The following INTS4 variants were observed in gnomAD, a reference collection of about 807,000 sequenced individuals.
INTS4 encodes integrator complex subunit 4.
In INTS4, 70 loss-of-function variants were observed where a neutral mutation model predicts 119.5. The ratio of observed to expected loss-of-function variants is 0.59; its 90% CI spans 0.48 to 0.71. INTS4 has a LOEUF of 0.71. INTS4 is among the 30% of genes least tolerant of loss of function. The probability of loss-of-function intolerance (pLI) is 0.00; values close to 1 mark genes in which losing one functional copy is unlikely to be tolerated. For missense variants in INTS4, 867 were observed against 1,173.2 expected (o/e 0.74, Z 3.81); for synonymous variants, 316 against 419.6 (o/e 0.75, Z 3.02).
intron 10 of INTS4, among the ~76,000 whole-genome samples, chr11:77,935,131 C>CT (rs1953756666): frequency 6.6e-6 from 1 of 152,112 alleles, no homozygotes; most frequent in African/African-American, 2.4e-5. Context: ...ATCACAGGGG[C>CT]TTTATAGGAT....
chr11:77,891,356 T>A lies in INTS4; in HGVS notation c.2555A>T (p.Glu852Val). 6.2e-7 allele frequency: 1 copy of A among 1,610,968 alleles called. No homozygotes were observed. Among genetic ancestry groups the A allele is most frequent in the South Asian group, 1.1e-5 (1 of 90,406 alleles). The change falls in exon 21 of 23, where the codon GAG (glutamate) becomes GTG (valine). Residue 852 changes from glutamate to valine, a missense_variant. Physicochemically the swap from Glu to Val is moderately radical, Grantham distance 121 (BLOSUM62 -2). Transcript: ENST00000534064. ...AGTGTTCTGAGGATCCTGCACATGC[T>A]CCAGGGTTGCATCAACATCCAGGGC... ...VVALDVDATL[E>V]HVQDPQNTVK...
chr11:77,993,223 G>A (rs1456433960), intron 1 of INTS4, among the ~76,000 whole-genome samples: 3 of 152,178 alleles, frequency 2.0e-5, no homozygotes, highest in Non-Finnish European at 4.4e-5. Context: ...GGGAAGATAG[G>A]TACACCGGTA....
At chr11:77,955,298 T>C (rs1221155606) in intron 8 of INTS4, among the ~76,000 whole-genome samples, 2 of 152,238 alleles carry the variant, frequency 1.3e-5, no homozygotes, top group South Asian at 4.1e-4. Flanking sequence ...GACTGCACTA[T>C]TGCACTCCTG....
intron 5 of INTS4, 31 bp from the exon 6 acceptor site, chr11:77,960,422 G>T: frequency 1.4e-6 from 2 of 1,465,008 alleles, no homozygotes; most frequent in Non-Finnish European, 1.9e-6. Context: ...TTAAGTGCTT[G>T]GGAGGAAAAG....
At chr11:77,876,546 A>G (rs1173422141), downstream of INTS4, among the ~76,000 whole-genome samples, 1 of 152,184 alleles carries the variant, frequency 6.6e-6, no homozygotes, top group Non-Finnish European at 1.5e-5. Flanking sequence ...TGAATTGCTT[A>G]GCAACAAATT....
chr11:77,925,489 C>T (rs1051732727), intron 11 of INTS4, among the ~76,000 whole-genome samples: 2 of 152,034 alleles, frequency 1.3e-5, no homozygotes, highest in Non-Finnish European at 2.9e-5. Flanking sequence ...ATTAAAAAAA[C>T]ACAATATCTG....
chr11:77,925,628 T>C (rs1157208954), intron 11 of INTS4, among the ~76,000 whole-genome samples: 4 of 152,214 alleles, frequency 2.6e-5, no homozygotes, highest in Non-Finnish European at 5.9e-5. Context: ...AATCGAAATG[T>C]CACTCCTATC....
intron 22 of INTS4, 120 bp from the exon 23 acceptor site, chr11:77,879,247 C>T (rs1951698680): frequency 9.7e-7 from 1 of 1,029,648 alleles, no homozygotes; most frequent in East Asian, 2.6e-5. Context: ...CATCCGTCTA[C>T]ATTCCCTCCC....
At chr11:77,936,828 A>G (rs1388926645) in intron 10 of INTS4, among the ~76,000 whole-genome samples, 1 of 152,130 alleles carries the variant, frequency 6.6e-6, no homozygotes, top group Non-Finnish European at 1.5e-5. Context: ...TCAGTATCCT[A>G]ATGCATGCGT....
intron 3 of INTS4, among the ~76,000 whole-genome samples, chr11:77,981,190 C>CAAAAAAAAAAAAAAAAAAAAAG (rs35194381): frequency 9.0e-5 from 8 of 88,862 alleles, no homozygotes; most frequent in East Asian, 3.3e-4. Flanking sequence ...AACAAACAAG[C>CAAAAAAAAAAAAAAAAAAAAAG]AAAAAAAAAA....
intron 5 of INTS4, 117 bp downstream of exon 5, chr11:77,960,836 A>G (rs1194525689): frequency 1.7e-5 from 16 of 948,034 alleles, no homozygotes; most frequent in Non-Finnish European, 2.2e-5. Context: ...GCCACCACCA[A>G]TACCCTCCTG....
intron 18 of INTS4, chr11:77,900,669 C>T (rs1465026392): frequency 3.1e-5 from 21 of 688,164 alleles, no homozygotes; most frequent in South Asian, 3.0e-4. Flanking sequence ...TAAGATGCAC[C>T]TTTATTTTAT....
At chr11:77,984,917 A>AT (rs1856397213) in intron 2 of INTS4, among the ~76,000 whole-genome samples, 1 of 151,114 alleles carries the variant, frequency 6.6e-6, no homozygotes, top group African/African-American at 2.4e-5. Flanking sequence ...TGTAAATGAA[A>AT]AAAAAAAAAA....
intron 15 of INTS4, among the ~76,000 whole-genome samples, chr11:77,909,010 G>A (rs1953028370): frequency 6.6e-6 from 1 of 152,148 alleles, no homozygotes; most frequent in Non-Finnish European, 1.5e-5. Flanking sequence ...TGTCTGTCTG[G>A]ATATGTGACC....
chr11:77,976,395 A>T (rs1855954386), intron 4 of INTS4, among the ~76,000 whole-genome samples: 1 of 152,210 alleles, frequency 6.6e-6, no homozygotes, highest in African/African-American at 2.4e-5. Flanking sequence ...CCTTTAAAAA[A>T]GTCTAGGCCA....
At chr11:77,903,503 A>G in intron 17 of INTS4, 37 bp downstream of exon 17, 2 of 1,608,646 alleles carry the variant, frequency 1.2e-6, no homozygotes, top group South Asian at 1.1e-5. Context: ...ATTACTGGAC[A>G]GAGACCTATT....
chr11:77,891,931 G>C (rs1952287787), intron 19 of INTS4, 91 bp from the exon 20 acceptor site: 1 of 1,579,294 alleles, frequency 6.3e-7, no homozygotes, highest in Non-Finnish European at 8.6e-7. Context: ...CCCTGAAGTA[G>C]GAAGAATGAT....
intron 6 of INTS4, among the ~76,000 whole-genome samples, chr11:77,960,134 T>C (rs1053967016): frequency 6.6e-6 from 1 of 152,150 alleles, no homozygotes; most frequent in Non-Finnish European, 1.5e-5. Flanking sequence ...AAAAGTCCTT[T>C]TCACATGTAC....
intron 22 of INTS4, among the ~76,000 whole-genome samples, chr11:77,879,766 G>C (rs1170886490): frequency 6.6e-6 from 1 of 152,170 alleles, no homozygotes; most frequent in East Asian, 1.9e-4. Context: ...TTTGGTTGAG[G>C]AAACAGATAG....
Sources: gnomAD v4.1 joint callset for allele counts (sites outside exome capture counted in the v4.1 genomes callset) on GRCh38, gnomAD v4.1.1 for gene constraint, MANE v1.5 for transcripts, NCBI Gene and HGNC (gene_info 2026-07-23, HGNC 2026-07-21) for gene names.